TTYH3: variants seen among roughly 807,000 people sequenced by gnomAD.
TTYH3 encodes tweety family member 3.
In TTYH3, 23 loss-of-function variants were observed where a neutral mutation model predicts 68.2. That is an observed-to-expected ratio of 0.34 (90% confidence interval 0.24 to 0.48). TTYH3 has a LOEUF of 0.48. TTYH3 is among the 20% of genes least tolerant of loss of function. TTYH3 has a pLI of 0.99. For synonymous variants in TTYH3, 360 were observed against 332.8 expected (o/e 1.08, Z -0.89); for missense variants, 768 against 727.7 (o/e 1.06, Z -0.64).
intron 9 of TTYH3, among the ~76,000 whole-genome samples, chr7:2,654,456 A>T (rs4632960): frequency 0.49 from 74,744 of 151,988 alleles, 21,177 homozygotes; most frequent in African/African-American, 0.79. Flanking sequence ...CACACATAAA[A>T]AAAAATTAAA....
intron 11 of TTYH3, 37 bp from the exon 12 acceptor site, chr7:2,658,249 T>G: frequency 6.7e-7 from 1 of 1,491,782 alleles, no homozygotes; most frequent in Non-Finnish European, 9.0e-7. Flanking sequence ...TCCTTCCTGC[T>G]GGGGCCTGAG....
At position 2,662,995 on chromosome 7, in the gene TTYH3, C is replaced by G. The variant is rs141995106; in HGVS notation, c.*1256C>G. On this transcript the variant is annotated 3_prime_UTR_variant, in exon 14 of 14. Coordinates refer to ENST00000258796, the MANE Select transcript of TTYH3 (RefSeq NM_025250.3). ...GGCTTTGGACTGAGGTCCCTGTGGC[C>G]TCGGTCTCCTCCCCATGAAGTGGGA... 4,937 of 152,414 alleles carry G rather than the reference C, an allele frequency of 0.032. 118 individuals carry two copies. Among genetic ancestry groups the G allele is most frequent in the Non-Finnish European group, 0.053 (3,577 of 68,074 alleles). 9.4% of individuals were successfully genotyped at this position (152,414 alleles called of 1,614,324 possible).
chr7:2,648,838 G>C (rs985493247), intron 5 of TTYH3, among the ~76,000 whole-genome samples: 1 of 151,528 alleles, frequency 6.6e-6, no homozygotes, highest in Non-Finnish European at 1.5e-5. Flanking sequence ...AGTAAGGGAC[G>C]CCTGGACAGA....
rs569548659 is a variant in TTYH3, at chr7:2,663,665, C to T, written c.*1926C>T. ...CAGGAGAGAGGCCCTGGCACCCTGG[C>T]GTGGGTGCCCGCCAAACGCCCTGCG... On this transcript the variant is annotated 3_prime_UTR_variant, in exon 14 of 14. Coordinates refer to ENST00000258796, the MANE Select transcript of TTYH3 (RefSeq NM_025250.3). The T allele has an allele frequency of 4.6e-5, 7 of 152,762 alleles. No homozygotes were observed. Among genetic ancestry groups the T allele is most frequent in the East Asian group, 1.9e-4 (1 of 5,300 alleles). The allele number at this position is 152,762 out of a possible 1,614,324, so 9.5% of individuals were successfully genotyped here.
chr7:2,657,409 TGTGGTG>T (rs555866142), intron 11 of TTYH3, among the ~76,000 whole-genome samples: 7 of 114,742 alleles, frequency 6.1e-5, no homozygotes, highest in South Asian at 2.7e-4. Context: ...TGGTGGTGGT[TGTGGTG>T]GTGGTGATGG....
intron 13 of TTYH3, among the ~76,000 whole-genome samples, chr7:2,660,832 C>A (rs538257381): frequency 3.6e-4 from 55 of 152,320 alleles, no homozygotes; most frequent in South Asian, 8.3e-4. Context: ...GCCCCTGACA[C>A]GTGCCAGGCC....
Position 2,662,245 on chromosome 7 carries a change from C to T in TTYH3, c.*506C>T, listed in dbSNP as rs113185570. On this transcript the variant is annotated 3_prime_UTR_variant, in exon 14 of 14. Coordinates refer to ENST00000258796, the MANE Select transcript of TTYH3 (RefSeq NM_025250.3). ...CTGAGGTCACCCCGTGGTCCCTCCA[C>T]GTGCCCATCTCTCTGCAGTGCCCTC... 3.5e-3 allele frequency: 746 copies of T among 211,506 alleles called. 2 individuals carry two copies. Among genetic ancestry groups the T allele is most frequent in the Non-Finnish European group, 5.9e-3 (622 of 105,276 alleles). The allele number at this position is 211,506 out of a possible 1,614,324, so 13.1% of individuals were successfully genotyped here.
At chr7:2,652,299 G>C (rs1786204705) in intron 8 of TTYH3, 57 bp downstream of exon 8, 5 of 1,506,906 alleles carry the variant, frequency 3.3e-6, no homozygotes, top group Non-Finnish European at 4.6e-6. Flanking sequence ...ACATTGCTGT[G>C]TGTGGAGGGG....
At chr7:2,658,917 G>C in intron 12 of TTYH3, 23 bp from the exon 13 acceptor site, 2 of 1,612,980 alleles carry the variant, frequency 1.2e-6, no homozygotes, top group Non-Finnish European at 8.5e-7. Flanking sequence ...GGCACTCACA[G>C]CCTCTCTCCC....
intron 11 of TTYH3, 88 bp from the exon 12 acceptor site, chr7:2,658,194 GTGTC>G (rs1465492286): frequency 3.1e-5 from 40 of 1,301,338 alleles, no homozygotes; most frequent in Non-Finnish European, 4.1e-5. Flanking sequence ...GGAACCAGGA[GTGTC>G]TGTCTGCACC....
At chr7:2,652,556 G>A (rs980800093) in intron 8 of TTYH3, among the ~76,000 whole-genome samples, 1 of 152,226 alleles carries the variant, frequency 6.6e-6, no homozygotes, top group South Asian at 2.1e-4. Context: ...TAGGGTAACC[G>A]TGTTCAGGCG....
intron 5 of TTYH3, 59 bp downstream of exon 5, chr7:2,648,113 C>A: frequency 6.7e-7 from 1 of 1,492,374 alleles, no homozygotes. Flanking sequence ...GGCAAGGCAC[C>A]ATGTTACCCC....
At chr7:2,656,368 G>A in intron 10 of TTYH3, 30 bp from the exon 11 acceptor site, 1 of 1,597,722 alleles carries the variant, frequency 6.3e-7, no homozygotes, top group Non-Finnish European at 8.5e-7. Context: ...CCCTGTCTCT[G>A]GATCCTGCCA....
chr7:2,642,346 G>T (rs550800272), intron 1 of TTYH3, among the ~76,000 whole-genome samples: 167 of 152,148 alleles, frequency 1.1e-3, no homozygotes, highest in African/African-American at 4.0e-3. Flanking sequence ...TTCAAGACCA[G>T]GCTGGCCAAC....
chr7:2,654,112 G>C (rs540953345), intron 9 of TTYH3, among the ~76,000 whole-genome samples: 1 of 152,178 alleles, frequency 6.6e-6, no homozygotes, highest in African/African-American at 2.4e-5. Flanking sequence ...ATACACACAC[G>C]GGGCCGGGCA....
chr7:2,658,578 C>A, intron 12 of TTYH3, 119 bp downstream of exon 12: 1 of 1,291,936 alleles, frequency 7.7e-7, no homozygotes, highest in Non-Finnish European at 1.1e-6. Context: ...CCGGGCTGGG[C>A]AGCCCTGGCC....
chr7:2,651,743 G>T (rs1786182912), intron 7 of TTYH3, among the ~76,000 whole-genome samples: 1 of 151,588 alleles, frequency 6.6e-6, no homozygotes, highest in African/African-American at 2.4e-5. Flanking sequence ...CTTTTAAAAT[G>T]TTTTTTTTTA....
chr7:2,642,733 T>C (rs1583560239), intron 1 of TTYH3, among the ~76,000 whole-genome samples: 1 of 146,762 alleles, frequency 6.8e-6, no homozygotes, highest in Non-Finnish European at 1.5e-5. Flanking sequence ...GTCTCTAAAA[T>C]AATTTTTTTC....
At chr7:2,659,049 T>G in intron 13 of TTYH3, 34 bp downstream of exon 13, 6 of 1,601,306 alleles carry the variant, frequency 3.7e-6, no homozygotes, top group Non-Finnish European at 5.1e-6. Flanking sequence ...GATGGGGGGC[T>G]GCTCAGCCTT....
Sources: allele counts gnomAD v4.1 joint callset (sites outside exome capture counted in the v4.1 genomes callset), GRCh38; gene constraint gnomAD v4.1.1; transcripts MANE v1.5; gene names NCBI Gene and HGNC (gene_info 2026-07-23, HGNC 2026-07-21).